The following NSMAF variants were observed in gnomAD, a reference collection of about 807,000 sequenced individuals.
The protein encoded by NSMAF is neutral sphingomyelinase activation associated factor.
In NSMAF, 90 loss-of-function variants were observed where a neutral mutation model predicts 134.9. The ratio of observed to expected loss-of-function variants is 0.67; its 90% CI spans 0.56 to 0.79. The LOEUF (loss-of-function observed/expected upper bound fraction) is 0.79. Among genes scored for constraint, NSMAF ranks in the 30% least tolerant of loss-of-function variants. NSMAF has a pLI of 0.00. For missense variants in NSMAF, 1,010 were observed against 1,119.0 expected, an observed-to-expected ratio of 0.90 and a Z score of 1.39; for synonymous variants, 358 against 389.6, an observed-to-expected ratio of 0.92 and a Z score of 0.96.
Position 58,659,674 on chromosome 8 carries a change from C to G in NSMAF, c.-43G>C, listed in dbSNP as rs1359061517. On this transcript the variant is annotated 5_prime_UTR_variant, in exon 1 of 31. Transcript: ENST00000038176. ...GGGCGCAGAGCGCACAGGCAGGCCC[C>G]GCCGCCGCCTGCCGAGGAGGTCCGG... 4 of 1,345,202 alleles carry G rather than the reference C, an allele frequency of 3.0e-6. No individual in the cohort carries two copies. Among genetic ancestry groups the G allele is most frequent in the Non-Finnish European group, 3.8e-6 (4 of 1,043,732 alleles). 83.3% of individuals were successfully genotyped at this position (1,345,202 alleles called of 1,614,324 possible). A position where few individuals can be genotyped will look rare whatever the true frequency, so the allele number is the denominator to read the frequency against.
chr8:58,645,113 TAA>T (rs11337086), intron 1 of NSMAF, among the ~76,000 whole-genome samples: 26 of 130,708 alleles, frequency 2.0e-4, no homozygotes, highest in East Asian at 4.4e-4. Flanking sequence ...AAAGTATAAT[TAA>T]AAAAAAAAAA....
chr8:58,630,519 T>C (rs1033055002), intron 6 of NSMAF, among the ~76,000 whole-genome samples: 3 of 151,870 alleles, frequency 2.0e-5, no homozygotes, highest in Non-Finnish European at 4.4e-5. Flanking sequence ...AACTTGGGGG[T>C]AGGGTTTCCT....
chr8:58,649,352 C>T (rs952194135), intron 1 of NSMAF, among the ~76,000 whole-genome samples: 2 of 152,078 alleles, frequency 1.3e-5, no homozygotes, highest in Non-Finnish European at 2.9e-5. Flanking sequence ...TTTACAGGCT[C>T]ATAGGTGGAA....
At chr8:58,592,975 T>G (rs1314722003) in intron 23 of NSMAF, among the ~76,000 whole-genome samples, 1 of 152,018 alleles carries the variant, frequency 6.6e-6, no homozygotes, top group African/African-American at 2.4e-5. Flanking sequence ...GACATAATGC[T>G]TAATAAGCCT....
intron 6 of NSMAF, among the ~76,000 whole-genome samples, chr8:58,626,091 C>CTTTTTTTTTTTTTTT (rs1225264071): frequency 1.0e-5 from 1 of 99,370 alleles, no homozygotes; most frequent in African/African-American, 4.0e-5. Flanking sequence ...TTATATAATT[C>CTTTTTTTTTTTTTTT]TTTTTTTTTT....
chr8:58,603,388 TG>T lies in NSMAF; in HGVS notation c.869-3del. 1 of 1,613,414 alleles carries T rather than the reference TG, an allele frequency of 6.2e-7. No homozygotes were observed. Among genetic ancestry groups the T allele is most frequent in the Non-Finnish European group, 8.5e-7 (1 of 1,179,926 alleles). On this transcript the variant is annotated splice_region_variant and splice_polypyrimidine_tract_variant and intron_variant, in intron 12 of 30. Coordinates refer to ENST00000038176, the MANE Select transcript of NSMAF (RefSeq NM_003580.4). ...CAGTGTGCTCCGCCACATGGTGCTC[TG>T]GGGGAAGAGGACCCACGAGGTCTGC...
At chr8:58,612,015 A>T (rs1380107980) in intron 9 of NSMAF, among the ~76,000 whole-genome samples, 1 of 152,172 alleles carries the variant, frequency 6.6e-6, no homozygotes, top group Non-Finnish European at 1.5e-5. Flanking sequence ...TAATTTCCCG[A>T]GTGACAGAGG....
intron 22 of NSMAF, chr8:58,595,013 C>T (rs902038242): frequency 6.4e-6 from 1 of 155,110 alleles, no homozygotes; most frequent in African/African-American, 2.4e-5. Context: ...GCTTCTCGAG[C>T]CTTTCTACCA....
intron 23 of NSMAF, among the ~76,000 whole-genome samples, chr8:58,591,330 T>C (rs1036349528): frequency 2.0e-5 from 3 of 152,166 alleles, no homozygotes; most frequent in Non-Finnish European, 4.4e-5. Flanking sequence ...CAATATGTTT[T>C]CTTTAAAAAA....
intron 11 of NSMAF, among the ~76,000 whole-genome samples, chr8:58,606,542 A>C (rs1806415761): frequency 6.6e-6 from 1 of 152,210 alleles, no homozygotes; most frequent in African/African-American, 2.4e-5. Flanking sequence ...CAGCCTCTCG[A>C]GTAGCTAAGG....
rs772483514 is a variant in NSMAF, at chr8:58,603,337, C to T, written c.918G>A (p.Gln306=). ...ACTGATAGTTGGAAAGGTGTCCACGCTGCCACTGCAGCATGTAGCTCTCAG... is the reference window on the plus strand; with the variant it reads ...ACTGATAGTTGGAAAGGTGTCCACGTTGCCACTGCAGCATGTAGCTCTCAG... ...HTAESYMLQW[Q]RGHLSNYQYL... The change falls in exon 13 of 31, where the codon CAG becomes CAA. Residue 306 remains glutamine (Q), a synonymous_variant. Coordinates refer to ENST00000038176, the MANE Select transcript of NSMAF (RefSeq NM_003580.4). The T allele has an allele frequency of 6.2e-7, 1 of 1,614,140 alleles. No individual in the cohort carries two copies. The highest frequency in any genetic ancestry group is 1.3e-5 in the African/African-American group (1 of 75,044).
chr8:58,613,595 A>G (rs1021039303), intron 9 of NSMAF, among the ~76,000 whole-genome samples: 9 of 152,184 alleles, frequency 5.9e-5, no homozygotes, highest in African/African-American at 2.2e-4. Context: ...AAATAAATAC[A>G]GAAACAATGT....
intron 30 of NSMAF, among the ~76,000 whole-genome samples, chr8:58,585,317 GTT>G: frequency 6.9e-6 from 1 of 144,368 alleles, no homozygotes; most frequent in South Asian, 2.2e-4. Flanking sequence ...TTGTTTCTGG[GTT>G]TTTTTTTTTT....
rs771795240 is a variant in NSMAF at position 58,635,163 on chromosome 8, G to A, written c.333+26C>T. 1.9e-5 allele frequency: 30 copies of A among 1,580,688 alleles called. No homozygotes were observed. In the Admixed American group the frequency reaches 3.1e-4, roughly 16 times the overall value. On this transcript the variant is annotated intron_variant, in intron 5 of 30. Transcript: ENST00000038176. ...TATATAAGAATGTTCATTCAGATTAGGAAAAAATATTTATTATGTGCTTAC... is the reference window on the plus strand; with the variant it reads ...TATATAAGAATGTTCATTCAGATTAAGAAAAAATATTTATTATGTGCTTAC...
chr8:58,623,895 G>A, intron 6 of NSMAF, 115 bp from the exon 7 acceptor site: 1 of 750,104 alleles, frequency 1.3e-6, no homozygotes, highest in Non-Finnish European at 2.2e-6. Context: ...GTTTTACCTA[G>A]TGTAACTTCC....
At chr8:58,592,902 C>CAAAAAAAAAAAAAAAAAAA (rs1194341835) in intron 23 of NSMAF, among the ~76,000 whole-genome samples, 1 of 114,398 alleles carries the variant, frequency 8.7e-6, no homozygotes, top group African/African-American at 4.8e-5. Flanking sequence ...AAAACAAAAA[C>CAAAAAAAAAAAAAAAAAAA]AAAAACAACA....
chr8:58,635,686 A>G (rs1807158888), intron 2 of NSMAF, 140 bp from the exon 3 acceptor site: 3 of 558,818 alleles, frequency 5.4e-6, no homozygotes, highest in Non-Finnish European at 6.3e-6. Flanking sequence ...GAACGTCTCT[A>G]TTTTTAAATT....
intron 1 of NSMAF, among the ~76,000 whole-genome samples, chr8:58,658,058 G>GTTTCCCT (rs1807760539): frequency 6.6e-6 from 1 of 152,042 alleles, no homozygotes; most frequent in Non-Finnish European, 1.5e-5. Context: ...ATATCAAAAA[G>GTTTCCCT]GCCAATATGA....
rs1473891635 is a variant in NSMAF, at chr8:58,599,948, A to G, written c.1332+22T>C. On this transcript the variant is annotated intron_variant, in intron 17 of 30. Transcript: ENST00000038176. ...TTAGAAACCCCAAGTCCAGTTACTC[A>G]TCAGCTTTATTAACTGCTTACCTCT... 2.5e-6 allele frequency: 4 copies of G among 1,613,438 alleles called. No homozygotes were observed. The East Asian group carries it at 8.9e-5, about 36-fold the overall frequency.
Sources: gnomAD v4.1 joint callset for allele counts (sites outside exome capture counted in the v4.1 genomes callset) on GRCh38, gnomAD v4.1.1 for gene constraint, MANE v1.5 for transcripts, NCBI Gene and HGNC (gene_info 2026-07-23, HGNC 2026-07-21) for gene names.